Variants in ANKAR observed in about 807,000 individuals in gnomAD.
ANKAR encodes the protein ankyrin and armadillo repeat containing.
ANKAR carries 136 observed loss-of-function variants against 146.2 expected under a neutral mutation model. The ratio of observed to expected loss-of-function variants is 0.93; its 90% CI spans 0.81 to 1.07. The LOEUF is 1.07. Ranked by LOEUF, ANKAR falls within the 50% of genes least tolerant of loss-of-function variation. The probability of loss-of-function intolerance (pLI) is 0.00; values close to 1 mark genes in which losing one functional copy is unlikely to be tolerated. For synonymous variants in ANKAR, 500 were observed against 575.8 expected, an observed-to-expected ratio of 0.87 and a Z score of 1.88; for missense variants, 1,567 against 1,679.9, an observed-to-expected ratio of 0.93 and a Z score of 1.18.
chr2:189,692,049 A>G (rs1196633515), intron 3 of ANKAR, among the ~76,000 whole-genome samples: 1 of 152,174 alleles, frequency 6.6e-6, no homozygotes, highest in Non-Finnish European at 1.5e-5. Context: ...GGCATGAGGC[A>G]CTGTGCATGC....
downstream of ANKAR, among the ~76,000 whole-genome samples, chr2:189,749,412 G>A (rs542069704): frequency 1.3e-5 from 2 of 150,676 alleles, no homozygotes; most frequent in East Asian, 2.0e-4. Context: ...TATAAAAATC[G>A]AAATAAAAAA....
Position 189,743,525 on chromosome 2 carries a change from CTTTAATGAGG to C in ANKAR, c.4010+56_4010+65del, listed in dbSNP as rs768121792. 6.6e-6 allele frequency: 10 copies of C among 1,505,306 alleles called. No homozygotes were observed. In the East Asian group the frequency reaches 1.6e-4, roughly 24 times the overall value. 93.2% of individuals were successfully genotyped at this position (1,505,306 alleles called of 1,614,324 possible). Reference sequence around the variant, plus strand: ...GTAGTGAAATCATCGATAGAGGAGACTTTAATGAGGTTTAGTAAGATCCAACAAGAGGAAC... The same window carrying C: ...GTAGTGAAATCATCGATAGAGGAGACTTTAGTAAGATCCAACAAGAGGAAC... On this transcript the variant is annotated intron_variant, in intron 21 of 22. Transcript: ENST00000684021.
intron 21 of ANKAR, among the ~76,000 whole-genome samples, chr2:189,744,136 G>A (rs1411224989): frequency 1.3e-5 from 2 of 152,120 alleles, no homozygotes; most frequent in Non-Finnish European, 2.9e-5. Flanking sequence ...CTATGATAAC[G>A]GAAGAGAATA....
Position 189,721,499 on chromosome 2 carries a change from A to G in ANKAR, c.2635+712A>G, listed in dbSNP as rs76480344. ...ATTGATCATGGGTAGCTATTTTGCA[A>G]GTGACAACAAGGGCTTCAGATTTGT... is the stretch of plus-strand genomic sequence containing the variant. On this transcript the variant is annotated intron_variant, in intron 12 of 22. Transcript: ENST00000684021. 2.3e-4 allele frequency among the ~76,000 whole-genome samples: 35 copies of G among 152,302 alleles called. No individual in the cohort carries two copies. In the East Asian group the frequency reaches 5.8e-3, roughly 25 times the overall value.
intron 17 of ANKAR, among the ~76,000 whole-genome samples, chr2:189,735,463 G>T (rs1387731900): frequency 1.3e-5 from 2 of 152,178 alleles, no homozygotes. Context: ...GTGCTCTTAG[G>T]GCTTTAGAGA....
At chr2:189,763,003 C>A, downstream of ANKAR, 3 of 985,316 alleles carry the variant, frequency 3.0e-6, no homozygotes, top group Non-Finnish European at 3.6e-6. Context: ...GTTTGTCTGA[C>A]TACACAACAT....
intron 7 of ANKAR, among the ~76,000 whole-genome samples, chr2:189,702,720 A>G (rs2038257178): frequency 6.6e-6 from 1 of 152,228 alleles, no homozygotes; most frequent in African/African-American, 2.4e-5. Flanking sequence ...GTCAGATTTT[A>G]TAGACTATTA....
chr2:189,720,873 G>A, intron 12 of ANKAR, 86 bp downstream of exon 12: 1 of 1,090,802 alleles, frequency 9.2e-7, no homozygotes, highest in East Asian at 2.9e-5. Flanking sequence ...TATATGAATA[G>A]ATGTCCCGAA....
At chr2:189,756,379 A>C (rs1410729303) in intron 18 of ANKAR, among the ~76,000 whole-genome samples, 2 of 152,212 alleles carry the variant, frequency 1.3e-5, no homozygotes, top group African/African-American at 4.8e-5. Flanking sequence ...GGAGCAATAA[A>C]ATAGAGTCTG....
intron 17 of ANKAR, among the ~76,000 whole-genome samples, chr2:189,736,514 G>A (rs200720446): frequency 2.0e-5 from 1 of 50,352 alleles, no homozygotes; most frequent in Non-Finnish European, 5.2e-5. Context: ...GTGTGTGTGT[G>A]TGTGTGTGTG....
chr2:189,730,458 G>GA (rs1229417864), intron 15 of ANKAR, 37 bp from the exon 16 acceptor site: 11 of 1,340,378 alleles, frequency 8.2e-6, no homozygotes, highest in South Asian at 2.7e-5. Flanking sequence ...TTGTAAGATG[G>GA]AAAAAAATAT....
intron 5 of ANKAR, 147 bp downstream of exon 5, chr2:189,693,324 C>A (rs2036706650): frequency 1.7e-6 from 1 of 579,076 alleles, no homozygotes; most frequent in East Asian, 3.2e-5. Context: ...CTTATGGACT[C>A]AACAAAATAT....
At chr2:189,752,856 T>G in intron 18 of ANKAR, 1 of 1,613,714 alleles carries the variant, frequency 6.2e-7, no homozygotes, top group Non-Finnish European at 8.5e-7. Context: ...TACCATGCAA[T>G]CATAATGCCA....
chr2:189,695,916 AAATT>A (rs2037128838), intron 6 of ANKAR, among the ~76,000 whole-genome samples: 1 of 151,994 alleles, frequency 6.6e-6, no homozygotes, highest in Non-Finnish European at 1.5e-5. Context: ...TTTTAGAAAA[AAATT>A]AATAATAAAA....
intron 18 of ANKAR, among the ~76,000 whole-genome samples, chr2:189,753,403 G>A (rs1472064264): frequency 2.0e-5 from 3 of 152,028 alleles, no homozygotes; most frequent in Non-Finnish European, 4.4e-5. Context: ...AATGAATAAA[G>A]TTTAAGATAC....
intron 17 of ANKAR, among the ~76,000 whole-genome samples, 191 bp downstream of exon 17, chr2:189,733,420 C>T (rs61640437): frequency 9.3e-4 from 141 of 152,222 alleles, no homozygotes; most frequent in African/African-American, 3.3e-3. Context: ...TGAGTTGTCC[C>T]ACTTCATCGT....
In ANKAR at chr2:189,743,253, A is replaced by C. The variant is rs368003208; in HGVS notation, c.3811-22A>C. The stretch of plus-strand genomic sequence containing the variant: ...TTAAGAACAAAGCCCACTGGTTAAG[A>C]AAGAATTGTTTCTTCATTTAGGTTC... On this transcript the variant is annotated intron_variant, in intron 20 of 22. Transcript: ENST00000684021. The C allele has an allele frequency of 1.1e-5, 18 of 1,606,424 alleles. No individual in the cohort carries two copies. The African/African-American group carries it at 2.4e-4, about 22-fold the overall frequency.
At chr2:189,730,241 A>G (rs2042283451) in intron 15 of ANKAR, among the ~76,000 whole-genome samples, 1 of 152,198 alleles carries the variant, frequency 6.6e-6, no homozygotes, top group African/African-American at 2.4e-5. Flanking sequence ...GTAGTATAAT[A>G]TTTCTAATTT....
At chr2:189,676,360 T>C in intron 1 of ANKAR, 96 bp from the exon 2 acceptor site, 1 of 1,099,832 alleles carries the variant, frequency 9.1e-7, no homozygotes, top group South Asian at 1.8e-5. Flanking sequence ...AAATTAATCT[T>C]ATGTAGGTGA....
Sources: allele counts gnomAD v4.1 joint callset (sites outside exome capture counted in the v4.1 genomes callset), GRCh38; gene constraint gnomAD v4.1.1; transcripts MANE v1.5; gene names NCBI Gene and HGNC (gene_info 2026-07-23, HGNC 2026-07-21).